Variants in ZFHX3 observed in about 807,000 individuals in gnomAD.
ZFHX3 encodes zinc finger homeobox 3.
In ZFHX3, 42 loss-of-function variants were observed where a neutral mutation model predicts 279.1. The ratio of observed to expected loss-of-function variants is 0.15; its 90% confidence interval spans 0.12 to 0.19. The LOEUF (loss-of-function observed/expected upper bound fraction) is 0.19, where lower values mean the gene tolerates loss of function less well. Ranked by LOEUF, ZFHX3 falls within the 10% of genes least tolerant of loss-of-function variation. The pLI, the probability that ZFHX3 is intolerant of heterozygous loss-of-function variation, is 1.00. For synonymous variants in ZFHX3, 2,293 were observed against 1,957.8 expected, an observed-to-expected ratio of 1.17 and a Z score of -4.52; for missense variants, 4,981 against 4,754.0, an observed-to-expected ratio of 1.05 and a Z score of -1.40.
chr16:72,855,450 T>G (rs1302527692), intron 4 of ZFHX3, among the ~76,000 whole-genome samples: 1 of 152,242 alleles, frequency 6.6e-6, no homozygotes, highest in Non-Finnish European at 1.5e-5. Context: ...AGAAATACTC[T>G]GGAGATGGAA....
At chr16:73,485,974 T>C (rs1194582242) in intron 2 of ZFHX3, among the ~76,000 whole-genome samples, 1 of 152,220 alleles carries the variant, frequency 6.6e-6, no homozygotes, top group Non-Finnish European at 1.5e-5. Context: ...GGACCACCTC[T>C]CTTGTTCATC....
At chr16:73,306,775 G>A (rs1170104950) in intron 4 of ZFHX3, among the ~76,000 whole-genome samples, 1 of 152,196 alleles carries the variant, frequency 6.6e-6, no homozygotes, top group Non-Finnish European at 1.5e-5. Flanking sequence ...CTCCCACAGG[G>A]AATCAGATGG....
intron 5 of ZFHX3, among the ~76,000 whole-genome samples, chr16:73,165,587 G>A (rs923469734): frequency 1.3e-5 from 2 of 152,176 alleles, no homozygotes; most frequent in East Asian, 1.9e-4. Context: ...CTTTGTCAGC[G>A]TGGCCTGAGT....
intron 3 of ZFHX3, among the ~76,000 whole-genome samples, chr16:73,386,017 G>A (rs920308074): frequency 2.0e-5 from 3 of 152,056 alleles, no homozygotes; most frequent in Non-Finnish European, 4.4e-5. Flanking sequence ...AAAATGATGC[G>A]GTTTGGTCTA....
In ZFHX3 at chr16:72,788,566, C is replaced by T; in HGVS notation, c.9710G>A (p.Ser3237Asn). The part of the protein sequence containing the change: ...QQQQQRKDKD[S>N]EKVKEKEKAH... Reference sequence around the variant, plus strand: ...CTTTTCCTTCTCCTTTACTTTCTCACTGTCTTTGTCCTTGCGTTGCTGCTG... The same window carrying T: ...CTTTTCCTTCTCCTTTACTTTCTCATTGTCTTTGTCCTTGCGTTGCTGCTG... The change falls in exon 10 of 10, where the codon AGT becomes AAT. Residue 3237 changes from serine to asparagine, a missense_variant. Physicochemically the swap from Ser to Asn is conservative, Grantham distance 46. Transcript: ENST00000268489. 1.2e-6 allele frequency: 2 copies of T among 1,614,090 alleles called. No homozygotes were observed. The highest frequency in any genetic ancestry group is 1.3e-5 in the African/African-American group (1 of 75,026).
intron 1 of ZFHX3, among the ~76,000 whole-genome samples, chr16:73,053,701 G>A (rs764648152): frequency 2.8e-4 from 43 of 152,078 alleles, no homozygotes; most frequent in Non-Finnish European, 3.8e-4. Flanking sequence ...ACAGCCACGC[G>A]ACCCTCAGCC....
In ZFHX3 at chr16:73,143,785, A is replaced by C. The variant is rs570173859; in HGVS notation, c.-1057T>G. On this transcript the variant is annotated 5_prime_UTR_variant, in exon 6 of 18. Transcript: ENST00000641206. ...TTCCGGCAAAGCTGGACACCATCCA[A>C]TAGCGCTAGGCTAGACTTCTGGGGG... is the stretch of plus-strand genomic sequence containing the variant. 63 of 1,305,722 alleles carry C rather than the reference A, an allele frequency of 4.8e-5. No homozygotes were observed. In the Middle Eastern group the frequency reaches 1.3e-3, roughly 26 times the overall value. The allele number at this position is 1,305,722 out of a possible 1,614,324, so 80.9% of individuals were successfully genotyped here.
intron 5 of ZFHX3, among the ~76,000 whole-genome samples, chr16:73,236,902 C>T (rs1266669700): frequency 3.3e-5 from 5 of 152,196 alleles, no homozygotes; most frequent in Admixed American, 2.0e-4. Flanking sequence ...GAGATAACTT[C>T]AACAGCAAAG....
chr16:73,025,453 G>C lies in ZFHX3; in HGVS notation c.-50+22299C>G, dbSNP rs543272560. On this transcript the variant is annotated intron_variant, in intron 1 of 9. Coordinates refer to ENST00000268489, the MANE Select transcript of ZFHX3 (RefSeq NM_006885.4). ...AATAAGCAGCAGCAGTGAGTTAAGTGTTTCCCCGTATTGTGGAGCCCTCAC... is the reference window on the plus strand; with the variant it reads ...AATAAGCAGCAGCAGTGAGTTAAGTCTTTCCCCGTATTGTGGAGCCCTCAC... 7.0e-4 allele frequency among the ~76,000 whole-genome samples: 107 copies of C among 152,324 alleles called. 1 individual carries two copies. The highest frequency in any genetic ancestry group is 2.5e-3 in the African/African-American group (104 of 41,572).
intron 4 of ZFHX3, among the ~76,000 whole-genome samples, chr16:72,849,994 A>C (rs2037575558): frequency 6.6e-6 from 1 of 152,004 alleles, no homozygotes; most frequent in Non-Finnish European, 1.5e-5. Context: ...ACATAAGCTG[A>C]AAGAAAAGGT....
intron 1 of ZFHX3, among the ~76,000 whole-genome samples, chr16:73,793,289 C>T (rs1424203291): frequency 6.6e-6 from 1 of 152,186 alleles, no homozygotes; most frequent in Non-Finnish European, 1.5e-5. Flanking sequence ...TTTCTCTGTA[C>T]ATTGACTGTT....
chr16:73,639,710 T>TA (rs2052557577), intron 2 of ZFHX3, among the ~76,000 whole-genome samples: 1 of 151,446 alleles, frequency 6.6e-6, no homozygotes, highest in Non-Finnish European at 1.5e-5. Context: ...AACATGTGTT[T>TA]ATCTCTTCTT....
At chr16:73,373,724 A>G (rs7200738) in intron 3 of ZFHX3, among the ~76,000 whole-genome samples, 35,362 of 152,170 alleles carry the variant, frequency 0.23, 6,289 homozygotes, top group African/African-American at 0.5. Context: ...CTCTGAACAC[A>G]TCTTTGGTTC....
intron 2 of ZFHX3, among the ~76,000 whole-genome samples, chr16:73,507,907 G>A (rs918693321): frequency 1.3e-5 from 2 of 152,166 alleles, no homozygotes; most frequent in African/African-American, 2.4e-5. Flanking sequence ...CACAATTTTT[G>A]TGAGATTAGA....
Position 73,408,085 on chromosome 16 carries a change from T to C in ZFHX3, c.-1291+47918A>G, listed in dbSNP as rs113179483. On this transcript the variant is annotated intron_variant, in intron 3 of 17. Coordinates refer to the ZFHX3 transcript ENST00000641206. ...TGGGGGTGGGTGGGGGAAGAAGCTC[T>C]GGTTGCAGATACCTGTGAAACTTGT... 9.9e-3 allele frequency among the ~76,000 whole-genome samples: 1,471 copies of C among 148,052 alleles called. 19 individuals are homozygous for C. The highest frequency in any genetic ancestry group is 0.034 in the African/African-American group (1,380 of 40,198).
chr16:73,019,591 G>A (rs1263034828), intron 1 of ZFHX3, among the ~76,000 whole-genome samples: 2 of 152,154 alleles, frequency 1.3e-5, no homozygotes, highest in African/African-American at 2.4e-5. Flanking sequence ...GGGTGACCCC[G>A]CTCTGCTATC....
intron 3 of ZFHX3, among the ~76,000 whole-genome samples, chr16:73,395,888 A>G (rs756632803): frequency 6.6e-6 from 1 of 152,162 alleles, no homozygotes; most frequent in Non-Finnish European, 1.5e-5. Context: ...TTGTTTCCCC[A>G]CACACCAGTT....
At chr16:72,905,534 G>A (rs976198979) in intron 3 of ZFHX3, among the ~76,000 whole-genome samples, 1 of 152,038 alleles carries the variant, frequency 6.6e-6, no homozygotes, top group African/African-American at 2.4e-5. Context: ...GAGCACCATC[G>A]AGACGATCAA....
intron 2 of ZFHX3, among the ~76,000 whole-genome samples, chr16:73,532,766 T>G (rs979839109): frequency 3.9e-5 from 6 of 152,228 alleles, no homozygotes; most frequent in African/African-American, 7.2e-5. Flanking sequence ...AATCTTCACA[T>G]GTCAAGGGTG....
Sources: gnomAD v4.1 joint callset for allele counts (sites outside exome capture counted in the v4.1 genomes callset) on GRCh38, gnomAD v4.1.1 for gene constraint, MANE v1.5 for transcripts, NCBI Gene and HGNC (gene_info 2026-07-23, HGNC 2026-07-21) for gene names.